Variants in RPN1 observed in about 807,000 individuals in gnomAD.
RPN1 encodes dolichyl-diphosphooligosaccharide--protein glycosyltransferase subunit 1.
Under a neutral mutation model 55.5 loss-of-function variants are expected in RPN1, and 12 were observed. That is an observed-to-expected ratio of 0.22 (90% confidence interval 0.14 to 0.35). RPN1 has a LOEUF of 0.35. Ranked by LOEUF, RPN1 falls within the 10% of genes least tolerant of loss-of-function variation. The pLI is 1.00. For synonymous variants in RPN1, 317 were observed against 305.9 expected (o/e 1.04, Z -0.38); for missense variants, 679 against 761.3 (o/e 0.89, Z 1.27).
chr3:128,635,473 G>C (rs2069670024), intron 3 of RPN1, among the ~76,000 whole-genome samples: 1 of 151,388 alleles, frequency 6.6e-6, no homozygotes, highest in African/African-American at 2.4e-5. Flanking sequence ...GCTAATTTTT[G>C]TATTTTTAGT....
chr3:128,625,394 C>A, intron 8 of RPN1, 140 bp downstream of exon 8: 7 of 1,323,654 alleles, frequency 5.3e-6, no homozygotes, highest in Non-Finnish European at 7.4e-6. Context: ...AACAAAGTAC[C>A]CTTCCGGCAA....
At chr3:128,648,193 A>AC (rs1367745719) in intron 1 of RPN1, among the ~76,000 whole-genome samples, 3 of 152,244 alleles carry the variant, frequency 2.0e-5, no homozygotes, top group Admixed American at 6.5e-5. Context: ...AGAGATCAAG[A>AC]CCATCCTGGC....
At position 128,625,917 on chromosome 3, in the gene RPN1, G is replaced by T. The variant is rs761651988; in HGVS notation, c.1232C>A (p.Ala411Asp). The change falls in exon 7 of 10, where the codon GCC becomes GAC. Residue 411 changes from alanine (A) to aspartate (D), a missense_variant. Transcript: ENST00000296255. Reference protein sequence around the residue: ...LDTFGRPVIVAYKKNLVEQHI... With the variant: ...LDTFGRPVIVDYKKNLVEQHI... The stretch of plus-strand genomic sequence containing the variant: ...CTGTTCTACCAGATTTTTCTTGTAG[G>T]CAACAATCACAGGGCGGCCAAATGT... The T allele has an allele frequency of 6.2e-6, 10 of 1,613,566 alleles. No individual in the cohort carries two copies. In the Admixed American group the frequency reaches 1.0e-4, roughly 16 times the overall value.
At chr3:128,639,026 T>G (rs2069704964) in intron 2 of RPN1, among the ~76,000 whole-genome samples, 1 of 152,120 alleles carries the variant, frequency 6.6e-6, no homozygotes. Context: ...GAAATATGGC[T>G]TCACACAATA....
At chr3:128,626,351 G>C (rs1168669798) in intron 6 of RPN1, among the ~76,000 whole-genome samples, 1 of 152,184 alleles carries the variant, frequency 6.6e-6, no homozygotes, top group Non-Finnish European at 1.5e-5. Flanking sequence ...TGGGAGGCTT[G>C]AACAGATGCC....
chr3:128,630,147 CAA>C lies in RPN1; in HGVS notation c.844-6_844-5del. ...GGGCAGCAGCAGGAAGGATGGTCTG[CAA>C]GAGAGTGGATATGCCCTTCTAAAAC... On this transcript the variant is annotated splice_polypyrimidine_tract_variant and splice_region_variant and intron_variant, in intron 4 of 9. Coordinates refer to ENST00000296255, the MANE Select transcript of RPN1 (RefSeq NM_002950.4). 1 of 1,607,888 alleles carries C rather than the reference CAA, an allele frequency of 6.2e-7. No individual in the cohort carries two copies. The highest frequency in any genetic ancestry group is 8.5e-7 in the Non-Finnish European group (1 of 1,175,552).
Position 128,625,585 on chromosome 3 carries a change from G to T in RPN1, c.1344C>A (p.Ile448=), listed in dbSNP as rs1334110871. The change falls in exon 8 of 10, where the codon ATC becomes ATA. Residue 448 remains isoleucine (I), a synonymous_variant. Transcript: ENST00000296255. The stretch of plus-strand genomic sequence containing the variant: ...CATAGATGATAACGGTGAAGAACAG[G>T]ATGTAGAAGGCCGCCACCACCAGCA... ...EPLLVVAAFY[I]LFFTVIIYVR... 9 of 1,614,030 alleles carry T rather than the reference G, an allele frequency of 5.6e-6. No individual in the cohort carries two copies. Among genetic ancestry groups the T allele is most frequent in the Non-Finnish European group, 7.6e-6 (9 of 1,180,046 alleles).
intron 1 of RPN1, among the ~76,000 whole-genome samples, chr3:128,650,330 G>A (rs1378935666): frequency 6.6e-6 from 1 of 152,138 alleles, no homozygotes; most frequent in East Asian, 1.9e-4. Context: ...GGGCGGGCGC[G>A]CACCGGGGGC....
At chr3:128,631,460 A>G (rs1334854909) in intron 4 of RPN1, among the ~76,000 whole-genome samples, 4 of 151,674 alleles carry the variant, frequency 2.6e-5, no homozygotes, top group Non-Finnish European at 2.9e-5. Context: ...CCTGGGCAAC[A>G]AGAGCAAAAC....
In RPN1 at chr3:128,626,090, G is replaced by A. The variant is rs534765896; in HGVS notation, c.1137-78C>T. 5.6e-6 allele frequency: 8 copies of A among 1,424,734 alleles called. No individual in the cohort carries two copies. The African/African-American group carries it at 1.0e-4, about 18-fold the overall frequency. 88.3% of individuals were successfully genotyped at this position (1,424,734 alleles called of 1,614,324 possible). A position where few individuals can be genotyped will look rare whatever the true frequency, so the allele number is the denominator to read the frequency against. ...CAGATTTAGGATCAGAGAATTCCAAGGCTAAGGAGCCTTTCAAGATCACTA... is the reference window on the plus strand; with the variant it reads ...CAGATTTAGGATCAGAGAATTCCAAAGCTAAGGAGCCTTTCAAGATCACTA... On this transcript the variant is annotated intron_variant, in intron 6 of 9. Transcript: ENST00000296255.
chr3:128,642,422 A>G (rs1252363980), intron 2 of RPN1: 1 of 152,208 alleles, frequency 6.6e-6, no homozygotes, highest in Non-Finnish European at 1.5e-5. Context: ...GTGGCCAGGT[A>G]GTGGCTGATA....
intron 8 of RPN1, among the ~76,000 whole-genome samples, chr3:128,623,646 G>A (rs1005421755): frequency 4.6e-5 from 7 of 152,308 alleles, no homozygotes; most frequent in Non-Finnish European, 7.3e-5. Context: ...GGAGTTTGAG[G>A]CTGCAGTGAG....
chr3:128,635,385 C>T (rs1471263961), intron 3 of RPN1, among the ~76,000 whole-genome samples: 1 of 151,628 alleles, frequency 6.6e-6, no homozygotes, highest in African/African-American at 2.4e-5. Context: ...ACCGCAACCC[C>T]TACCTCCTGG....
chr3:128,650,553 T>A lies in RPN1; in HGVS notation c.248A>T (p.His83Leu). ...LEPELEARLA[H>L]LGVQVKGEDE... ...GCCCACACTCACCTGCACGCCCAGG[T>A]GCGCCAGCCGGGCCTCGAGCTCAGG... is the stretch of plus-strand genomic sequence containing the variant. The change falls in exon 1 of 10, where the codon CAC (histidine) becomes CTC (leucine). Residue 83 changes from histidine to leucine, a missense_variant. His to Leu is a moderately conservative substitution (Grantham distance 99, BLOSUM62 -3). Around this residue, in one of 3 missense-constraint regions of RPN1, gnomAD observed 352 missense variants for 352.8 expected, o/e 1.00. Coordinates refer to ENST00000296255, the MANE Select transcript of RPN1 (RefSeq NM_002950.4). 6.5e-7 allele frequency: 1 copy of A among 1,541,848 alleles called. No homozygotes were observed. Among genetic ancestry groups the A allele is most frequent in the Non-Finnish European group, 8.7e-7 (1 of 1,144,864 alleles).
chr3:128,636,057 C>A (rs139232335), intron 3 of RPN1, among the ~76,000 whole-genome samples: 1 of 151,768 alleles, frequency 6.6e-6, no homozygotes, highest in Non-Finnish European at 1.5e-5. Flanking sequence ...ATTTTGACTA[C>A]GAAATCATGT....
Position 128,620,197 on chromosome 3 carries a change from T to A in RPN1, c.*214A>T, listed in dbSNP as rs2107712014. ...GTTTTGTTTTTAATGGGAGTTTTTTTAAAGTTTTCTTTTTTTAAAAAAAAA... is the reference window on the plus strand; with the variant it reads ...GTTTTGTTTTTAATGGGAGTTTTTTAAAAGTTTTCTTTTTTTAAAAAAAAA... On this transcript the variant is annotated 3_prime_UTR_variant, in exon 10 of 10. Transcript: ENST00000296255. 1 of 384,968 alleles carries A rather than the reference T, an allele frequency of 2.6e-6. No homozygotes were observed. The highest frequency in any genetic ancestry group is 4.5e-5 in the Admixed American group (1 of 22,226). The allele number at this position is 384,968 out of a possible 1,614,324, so 23.8% of individuals were successfully genotyped here.
chr3:128,639,145 A>G (rs988961898), intron 2 of RPN1, among the ~76,000 whole-genome samples: 5 of 152,116 alleles, frequency 3.3e-5, no homozygotes, highest in Admixed American at 1.3e-4. Flanking sequence ...ATGACAAAGA[A>G]TAACTCCATT....
chr3:128,640,389 C>T (rs1056817474), intron 2 of RPN1, among the ~76,000 whole-genome samples: 1 of 152,072 alleles, frequency 6.6e-6, no homozygotes, highest in Non-Finnish European at 1.5e-5. Context: ...ACAAAACTTG[C>T]ATGTCTTTAT....
chr3:128,642,063 T>G (rs1340418782), intron 2 of RPN1, among the ~76,000 whole-genome samples: 2 of 152,170 alleles, frequency 1.3e-5, no homozygotes, highest in Non-Finnish European at 2.9e-5. Flanking sequence ...CTAAGTTACC[T>G]TGCCTATCCA....
Sources: allele counts gnomAD v4.1 joint callset (sites outside exome capture counted in the v4.1 genomes callset), GRCh38; gene constraint gnomAD v4.1.1; regional missense constraint gnomAD v4.1.1; transcripts MANE v1.5; gene names NCBI Gene and HGNC (gene_info 2026-07-23, HGNC 2026-07-21).